The following MYBPC1 variants were observed in gnomAD, a reference collection of about 807,000 sequenced individuals.
MYBPC1 encodes myosin-binding protein C, slow-type.
Under a neutral mutation model 147.1 loss-of-function variants are expected in MYBPC1, and 52 were observed. The ratio of observed to expected loss-of-function variants is 0.35; its 90% CI spans 0.28 to 0.45. MYBPC1 has a LOEUF of 0.45. Ranked by LOEUF, MYBPC1 falls within the 20% of genes least tolerant of loss-of-function variation. The probability of loss-of-function intolerance (pLI) is 1.00; values close to 1 mark genes in which losing one functional copy is unlikely to be tolerated. For missense variants in MYBPC1, 1,228 were observed against 1,440.3 expected (o/e 0.85, Z 2.39); for synonymous variants, 477 against 475.9 (o/e 1.00, Z -0.03).
chr12:101,670,291 G>A, intron 23 of MYBPC1, 30 bp from the exon 24 acceptor site: 1 of 1,583,576 alleles, frequency 6.3e-7, no homozygotes, highest in South Asian at 1.1e-5. Flanking sequence ...CAGACTGATT[G>A]CAAAATTGTG....
At chr12:101,611,639 G>A (rs989394085) in intron 1 of MYBPC1, among the ~76,000 whole-genome samples, 1 of 152,192 alleles carries the variant, frequency 6.6e-6, no homozygotes, top group Non-Finnish European at 1.5e-5. Context: ...AGAAAGGAAG[G>A]AAAGATCCCT....
Position 101,629,541 on chromosome 12 carries a change from G to T in MYBPC1, c.286G>T (p.Val96Phe). 1 of 1,604,588 alleles carries T rather than the reference G, an allele frequency of 6.2e-7. No homozygotes were observed. The highest frequency in any genetic ancestry group is 1.3e-5 in the African/African-American group (1 of 74,798). The change falls in exon 6 of 32, where the codon GTT becomes TTT. Residue 96 changes from valine to phenylalanine, a missense_variant. By Grantham distance (50) the Val-to-Phe change is conservative. Transcript: ENST00000361466. Reference protein sequence around the residue: ...IEKPQGGTVKVGEDITFIAKV... With the variant: ...IEKPQGGTVKFGEDITFIAKV... ...AAAACCTCAAGGAGGAACAGTGAAA[G>T]TTGGTGAGTGCCTAGCATTCAATCC...
chr12:101,688,928 T>G (rs1951383185), downstream of MYBPC1, among the ~76,000 whole-genome samples: 1 of 135,728 alleles, frequency 7.4e-6, no homozygotes, highest in African/African-American at 2.8e-5. Flanking sequence ...ACTCCCAGCC[T>G]GGACAACAGA....
At chr12:101,625,948 C>T (rs1888485596) in intron 3 of MYBPC1, among the ~76,000 whole-genome samples, 1 of 151,916 alleles carries the variant, frequency 6.6e-6, no homozygotes, top group African/African-American at 2.4e-5. Flanking sequence ...ATTAGCCAGG[C>T]ATGGTGGCAG....
chr12:101,626,714 C>A, intron 3 of MYBPC1, 158 bp from the exon 4 acceptor site: 1 of 694,864 alleles, frequency 1.4e-6, no homozygotes, highest in Non-Finnish European at 2.6e-6. Context: ...CTGAAAAACT[C>A]AGGTTTCACT....
chr12:101,611,801 G>A (rs1048035521), intron 1 of MYBPC1, among the ~76,000 whole-genome samples: 4 of 152,184 alleles, frequency 2.6e-5, no homozygotes, highest in African/African-American at 2.4e-5. Context: ...AGCTCTGGCC[G>A]GGCACAGTGG....
In MYBPC1 at chr12:101,680,453, T is replaced by C. The variant is rs374025851; in HGVS notation, c.3357T>C (p.Tyr1119=). Residue 1119 remains tyrosine (Y), a synonymous_variant, in exon 29 of 32, where the codon TAT becomes TAC. Coordinates refer to ENST00000361466, the MANE Select transcript of MYBPC1 (RefSeq NM_002465.4). The part of the protein sequence containing the change: ...CTLEIRKPSP[Y]DGGTYCCKAV... ...TGGAAATTCGCAAGCCCAGCCCCTA[T>C]GATGGAGGCACTTACTGCTGCAAAG... The C allele has an allele frequency of 6.8e-6, 11 of 1,614,078 alleles. No homozygotes were observed. In the South Asian group the frequency reaches 9.9e-5, roughly 14 times the overall value.
At chr12:101,603,538 G>A (rs1027406268) in intron 1 of MYBPC1, among the ~76,000 whole-genome samples, 10 of 152,116 alleles carry the variant, frequency 6.6e-5, no homozygotes, top group Admixed American at 3.3e-4. Flanking sequence ...CCCACCTGGC[G>A]TCAGGACTCT....
At chr12:101,655,065 C>T (rs1419587773) in intron 18 of MYBPC1, among the ~76,000 whole-genome samples, 5 of 152,104 alleles carry the variant, frequency 3.3e-5, no homozygotes, top group Non-Finnish European at 5.9e-5. Context: ...AAACACAGCT[C>T]AAAATGAGGA....
intron 8 of MYBPC1, among the ~76,000 whole-genome samples, chr12:101,634,053 C>T (rs1400123622): frequency 1.3e-5 from 2 of 152,050 alleles, no homozygotes; most frequent in African/African-American, 4.8e-5. Context: ...CCCGCCACCA[C>T]GGCCGGCTAA....
At chr12:101,676,538 T>G (rs1900030342) in intron 26 of MYBPC1, among the ~76,000 whole-genome samples, 1 of 152,152 alleles carries the variant, frequency 6.6e-6, no homozygotes, top group African/African-American at 2.4e-5. Context: ...GAGGATTGCT[T>G]GAGCCCAGGA....
Position 101,631,688 on chromosome 12 carries a change from A to C in MYBPC1, c.407A>C (p.Gln136Pro). The change falls in exon 7 of 32, where the codon CAG becomes CCG. Residue 136 changes from glutamine (Q) to proline (P), a missense_variant. Transcript: ENST00000361466. The stretch of plus-strand genomic sequence containing the variant: ...GCCAGCAAAGCCGGGAAGCACCTTC[A>C]GCTGAAGGAAACCTTTGAGAGGCAC... Reference protein sequence around the residue: ...DLASKAGKHLQLKETFERHSR... With the variant: ...DLASKAGKHLPLKETFERHSR... 1 of 1,614,244 alleles carries C rather than the reference A, an allele frequency of 6.2e-7. No homozygotes were observed. The highest frequency in any genetic ancestry group is 8.5e-7 in the Non-Finnish European group (1 of 1,180,042).
chr12:101,655,131 G>A (rs1327918439), intron 18 of MYBPC1, among the ~76,000 whole-genome samples: 1 of 152,030 alleles, frequency 6.6e-6, no homozygotes, highest in Non-Finnish European at 1.5e-5. Flanking sequence ...TAGCAGTCGA[G>A]CATATGAAAA....
chr12:101,667,932 A>G (rs1416482730), intron 23 of MYBPC1, 33 bp downstream of exon 23: 2 of 1,606,386 alleles, frequency 1.2e-6, no homozygotes, highest in South Asian at 1.1e-5. Flanking sequence ...GTTAGACTCC[A>G]TTTTACATGG....
At position 101,684,214 on chromosome 12, in the gene MYBPC1, C is replaced by T. The variant is rs540371903; in HGVS notation, c.3493-168C>T. On this transcript the variant is annotated intron_variant, in intron 30 of 31. Transcript: ENST00000361466. The stretch of plus-strand genomic sequence containing the variant: ...TTGACGTGACTGGATCCCCACCCTT[C>T]ATTTCATGTGCTTCTATTTTCCTAC... Among the ~76,000 whole-genome samples the T allele has an allele frequency of 5.3e-4, 80 of 152,128 alleles. 1 individual carries two copies. Among genetic ancestry groups the T allele is most frequent in the Non-Finnish European group, 2.9e-4 (20 of 67,998 alleles).
intron 28 of MYBPC1, among the ~76,000 whole-genome samples, chr12:101,678,890 A>C (rs1316400176): frequency 6.6e-6 from 1 of 152,166 alleles, no homozygotes; most frequent in Non-Finnish European, 1.5e-5. Context: ...GTCCGGGCGC[A>C]GTGGCTCATG....
chr12:101,667,996 G>T (rs367672063), intron 23 of MYBPC1, 97 bp downstream of exon 23: 24 of 1,370,558 alleles, frequency 1.8e-5, no homozygotes, highest in East Asian at 2.6e-5. Flanking sequence ...CTATTTTGTT[G>T]TTACTCCTTT....
chr12:101,684,111 C>T (rs1218915083), intron 30 of MYBPC1, among the ~76,000 whole-genome samples: 1 of 152,110 alleles, frequency 6.6e-6, no homozygotes, highest in African/African-American at 2.4e-5. Context: ...ATTCACTATA[C>T]AATCAGAATG....
chr12:101,634,437 C>T (rs1890589947), intron 8 of MYBPC1, 117 bp from the exon 9 acceptor site: 1 of 822,614 alleles, frequency 1.2e-6, no homozygotes, highest in Non-Finnish European at 2.1e-6. Flanking sequence ...AGGAGAAAAG[C>T]CTCCCCCCTT....
Sources: allele counts gnomAD v4.1 joint callset (sites outside exome capture counted in the v4.1 genomes callset), GRCh38; gene constraint gnomAD v4.1.1; transcripts MANE v1.5; gene names NCBI Gene and HGNC (gene_info 2026-07-23, HGNC 2026-07-21).